Variants in CTNND2 observed in about 807,000 individuals in gnomAD.
CTNND2 encodes the protein catenin delta 2, also known as catenin delta-2.
Under a neutral mutation model 144.4 loss-of-function variants are expected in CTNND2, and 22 were observed. That is an observed-to-expected ratio of 0.15 (90% CI 0.11 to 0.22). CTNND2 has a LOEUF of 0.22. Ranked by LOEUF, CTNND2 falls within the 10% of genes least tolerant of loss-of-function variation. CTNND2 has a pLI of 1.00. For synonymous variants in CTNND2, 751 were observed against 695.6 expected (o/e 1.08, Z -1.25); for missense variants, 1,353 against 1,618.8 (o/e 0.84, Z 2.82).
intron 11 of CTNND2, among the ~76,000 whole-genome samples, chr5:11,190,283 C>T (rs1736111856): frequency 6.6e-6 from 1 of 152,206 alleles, no homozygotes; most frequent in African/African-American, 2.4e-5. Context: ...GGTAGAGGAA[C>T]TTGTCCAAGG....
chr5:11,747,458 A>G (rs1788378736), intron 1 of CTNND2, among the ~76,000 whole-genome samples: 1 of 152,212 alleles, frequency 6.6e-6, no homozygotes, highest in South Asian at 2.1e-4. Context: ...TTCACCACAC[A>G]CAGTGACTGT....
chr5:11,726,888 T>C, intron 2 of CTNND2, among the ~76,000 whole-genome samples: 1 of 152,202 alleles, frequency 6.6e-6, no homozygotes, highest in East Asian at 1.9e-4. Flanking sequence ...ATAAGTGTCC[T>C]GAGAAGAGTT....
chr5:11,280,336 C>T (rs950239446), intron 9 of CTNND2, among the ~76,000 whole-genome samples: 2 of 152,214 alleles, frequency 1.3e-5, no homozygotes, highest in African/African-American at 2.4e-5. Flanking sequence ...TCTGCTGCCA[C>T]ACAAAATACC....
At chr5:11,324,889 G>A (rs1438625972) in intron 9 of CTNND2, among the ~76,000 whole-genome samples, 1 of 151,524 alleles carries the variant, frequency 6.6e-6, no homozygotes, top group South Asian at 2.1e-4. Context: ...ACTGAGTGCT[G>A]ATTTCTCAGA....
At chr5:11,101,192 T>G (rs1174435513) in intron 14 of CTNND2, among the ~76,000 whole-genome samples, 1 of 152,242 alleles carries the variant, frequency 6.6e-6, no homozygotes, top group East Asian at 1.9e-4. Context: ...TTTATCTGGG[T>G]ACTTTATTCA....
chr5:11,033,306 AC>A (rs1392482041), intron 16 of CTNND2, among the ~76,000 whole-genome samples: 1 of 152,186 alleles, frequency 6.6e-6, no homozygotes, highest in Admixed American at 6.5e-5. Context: ...CCTCCAGCTT[AC>A]CCAAGAGTTT....
At chr5:11,306,923 T>C (rs949628257) in intron 9 of CTNND2, among the ~76,000 whole-genome samples, 5 of 152,142 alleles carry the variant, frequency 3.3e-5, no homozygotes, top group African/African-American at 1.2e-4. Flanking sequence ...TGCTTCCTTT[T>C]TGTGTGTCCC....
At chr5:11,663,405 T>C (rs1044632735) in intron 2 of CTNND2, among the ~76,000 whole-genome samples, 4 of 152,014 alleles carry the variant, frequency 2.6e-5, no homozygotes, top group African/African-American at 9.7e-5. Flanking sequence ...CAGCGGAAAA[T>C]AGAGTTATAT....
intron 18 of CTNND2, among the ~76,000 whole-genome samples, chr5:10,995,767 A>G (rs1739273731): frequency 6.6e-6 from 1 of 152,192 alleles, no homozygotes; most frequent in Non-Finnish European, 1.5e-5. Context: ...AAAGGTGGAT[A>G]AGATTAAGTG....
At chr5:11,530,481 G>A (rs1773654551) in intron 3 of CTNND2, among the ~76,000 whole-genome samples, 1 of 152,146 alleles carries the variant, frequency 6.6e-6, no homozygotes, top group South Asian at 2.1e-4. Flanking sequence ...TAATTTCCAG[G>A]AGGTAGAAGA....
chr5:11,175,408 C>T (rs555785325), intron 11 of CTNND2, among the ~76,000 whole-genome samples: 11 of 152,266 alleles, frequency 7.2e-5, no homozygotes, highest in African/African-American at 2.4e-4. Flanking sequence ...TCTTGTTTAT[C>T]GCTCTATTCT....
At chr5:11,230,497 C>T (rs1036181013) in intron 10 of CTNND2, among the ~76,000 whole-genome samples, 1 of 152,100 alleles carries the variant, frequency 6.6e-6, no homozygotes, top group African/African-American at 2.4e-5. Context: ...GGTGACTTTC[C>T]CAACAATCTA....
chr5:11,229,286 A>G (rs567204262), intron 10 of CTNND2, among the ~76,000 whole-genome samples: 2 of 152,254 alleles, frequency 1.3e-5, no homozygotes, highest in African/African-American at 4.8e-5. Flanking sequence ...ACATTTTCCA[A>G]TTATTTGAAC....
At position 11,503,724 on chromosome 5, in the gene CTNND2, A is replaced by G. The variant is rs140888159; in HGVS notation, c.287+61220T>C. 3.5e-4 allele frequency among the ~76,000 whole-genome samples: 54 copies of G among 152,308 alleles called. 1 individual carries two copies. In the East Asian group the frequency reaches 8.9e-3, roughly 25 times the overall value. ...CACCATGAATTTTGCCATTGGATTG[A>G]GCATTATAATCTTTTCTTTCTGTAA... On this transcript the variant is annotated intron_variant, in intron 3 of 21. Transcript: ENST00000304623.
At chr5:11,592,278 TCCTTCCTTTCTG>T (rs1366669333) in intron 2 of CTNND2, among the ~76,000 whole-genome samples, 3 of 151,168 alleles carry the variant, frequency 2.0e-5, no homozygotes, top group Non-Finnish European at 4.4e-5. Flanking sequence ...CTGTCTTCCT[TCCTTCCTTTCTG>T]CCTTCCTTCC....
rs78577254 is a variant in CTNND2 at position 11,335,534 on chromosome 5, G to A, written c.1628+10838C>T. Among the ~76,000 whole-genome samples the A allele has an allele frequency of 1.5e-3, 224 of 152,262 alleles. 4 individuals carry two copies. In the East Asian group the frequency reaches 0.04, roughly 27 times the overall value. Reference sequence around the variant, plus strand: ...TTGTGGTAGAATAAATAAGGACTTTGAGGATGGATTAATTGAGATATGCTA... The same window carrying A: ...TTGTGGTAGAATAAATAAGGACTTTAAGGATGGATTAATTGAGATATGCTA... On this transcript the variant is annotated intron_variant, in intron 9 of 21. Coordinates refer to ENST00000304623, the MANE Select transcript of CTNND2 (RefSeq NM_001332.4).
intron 2 of CTNND2, among the ~76,000 whole-genome samples, chr5:11,662,320 G>A (rs1176919939): frequency 2.7e-5 from 4 of 149,888 alleles, no homozygotes; most frequent in African/African-American, 9.8e-5. Flanking sequence ...TTATTAAGTA[G>A]TATTAACTCA....
chr5:11,731,052 G>A (rs533545394), intron 2 of CTNND2, among the ~76,000 whole-genome samples: 12 of 152,260 alleles, frequency 7.9e-5, no homozygotes, highest in Non-Finnish European at 1.2e-4. Context: ...TAATCAAGGA[G>A]CACAGCCTAA....
chr5:11,427,718 A>C (rs1306427492), intron 3 of CTNND2, among the ~76,000 whole-genome samples: 1 of 152,114 alleles, frequency 6.6e-6, no homozygotes, highest in Non-Finnish European at 1.5e-5. Context: ...CACACATAGG[A>C]TATCAAGAAA....
Sources: allele counts gnomAD v4.1 joint callset (sites outside exome capture counted in the v4.1 genomes callset), GRCh38; gene constraint gnomAD v4.1.1; transcripts MANE v1.5; gene names NCBI Gene and HGNC (gene_info 2026-07-23, HGNC 2026-07-21).